PDSS2: variants seen among roughly 807,000 people sequenced by gnomAD.
The protein encoded by PDSS2 is decaprenyl diphosphate synthase subunit 2.
PDSS2 carries 31 observed loss-of-function variants against 44.5 expected under a neutral mutation model. The ratio of observed to expected loss-of-function variants is 0.70; its 90% CI spans 0.52 to 0.94. PDSS2 has a LOEUF of 0.94. PDSS2 is among the 40% of genes least tolerant of loss of function. The pLI is 0.00. For synonymous variants in PDSS2, 157 were observed against 180.3 expected (o/e 0.87, Z 1.03); for missense variants, 452 against 482.2 (o/e 0.94, Z 0.59).
chr6:107,446,938 C>A (rs1781701889), intron 1 of PDSS2, among the ~76,000 whole-genome samples: 1 of 151,970 alleles, frequency 6.6e-6, no homozygotes, highest in Non-Finnish European at 1.5e-5. Flanking sequence ...GATGCCCTTC[C>A]AAAAGTCCCC....
chr6:107,214,340 C>G (rs1773337611), intron 4 of PDSS2, among the ~76,000 whole-genome samples: 1 of 152,096 alleles, frequency 6.6e-6, no homozygotes, highest in Non-Finnish European at 1.5e-5. Context: ...ATCCGCCCGC[C>G]TCGGCCTCCC....
chr6:107,353,165 G>GA (rs942115160), intron 1 of PDSS2, among the ~76,000 whole-genome samples: 35 of 149,390 alleles, frequency 2.3e-4, no homozygotes, highest in African/African-American at 5.6e-4. Context: ...TTAAGACACT[G>GA]AAAAAAAAAG....
intron 1 of PDSS2, among the ~76,000 whole-genome samples, chr6:107,436,400 A>T (rs1781350397): frequency 6.6e-6 from 1 of 152,210 alleles, no homozygotes; most frequent in South Asian, 2.1e-4. Flanking sequence ...TAACCAATGT[A>T]TCCTCATTCA....
intron 1 of PDSS2, among the ~76,000 whole-genome samples, chr6:107,359,237 C>A (rs1405083681): frequency 6.6e-6 from 1 of 151,250 alleles, no homozygotes; most frequent in Non-Finnish European, 1.5e-5. Flanking sequence ...GTCTCAAACT[C>A]CTGACCTCAG....
At chr6:107,300,077 C>T (rs1449724423) in intron 2 of PDSS2, among the ~76,000 whole-genome samples, 1 of 152,144 alleles carries the variant, frequency 6.6e-6, no homozygotes, top group African/African-American at 2.4e-5. Context: ...GCCCAAAACC[C>T]TACTAACTGT....
intron 1 of PDSS2, among the ~76,000 whole-genome samples, chr6:107,443,639 T>G (rs1781576060): frequency 6.6e-6 from 1 of 152,210 alleles, no homozygotes; most frequent in East Asian, 1.9e-4. Context: ...CTATTTCTTT[T>G]GCCTCATCCC....
At chr6:107,369,955 G>A (rs1394286936) in intron 1 of PDSS2, among the ~76,000 whole-genome samples, 1 of 151,678 alleles carries the variant, frequency 6.6e-6, no homozygotes, top group Non-Finnish European at 1.5e-5. Flanking sequence ...AGTTTCTTTT[G>A]TATCTCACTC....
chr6:107,227,151 T>C lies in PDSS2; in HGVS notation c.703-14869A>G, dbSNP rs145932101. Reference sequence around the variant, plus strand: ...CCCGCCACCACATCTGGCTAATGTTTTAAATATTTTTGGTAGAGACAGGGT... The same window carrying C: ...CCCGCCACCACATCTGGCTAATGTTCTAAATATTTTTGGTAGAGACAGGGT... On this transcript the variant is annotated intron_variant, in intron 4 of 7. Transcript: ENST00000369037. Among the ~76,000 whole-genome samples, 434 of 151,938 alleles carry C rather than the reference T, an allele frequency of 2.9e-3. 2 individuals are homozygous for C. The highest frequency in any genetic ancestry group is 9.5e-3 in the African/African-American group (395 of 41,414).
At chr6:107,352,621 G>C (rs1778466508) in intron 1 of PDSS2, among the ~76,000 whole-genome samples, 1 of 152,156 alleles carries the variant, frequency 6.6e-6, no homozygotes, top group Non-Finnish European at 1.5e-5. Flanking sequence ...GACAGCATGT[G>C]AACAGCAAGA....
chr6:107,176,992 C>A (rs1364457437), intron 7 of PDSS2, among the ~76,000 whole-genome samples: 5 of 151,280 alleles, frequency 3.3e-5, no homozygotes, highest in African/African-American at 1.2e-4. Context: ...CAAAAAAAAA[C>A]CAAAAAAACC....
intron 1 of PDSS2, among the ~76,000 whole-genome samples, chr6:107,428,766 G>A (rs57560396): frequency 0.069 from 10,526 of 152,204 alleles, 433 homozygotes; most frequent in Non-Finnish European, 0.092. Flanking sequence ...GAGCTGAGGA[G>A]TCTGAGGCTG....
intron 1 of PDSS2, among the ~76,000 whole-genome samples, chr6:107,349,985 T>C (rs1778382456): frequency 6.6e-6 from 1 of 152,248 alleles, no homozygotes; most frequent in Non-Finnish European, 1.5e-5. Context: ...TTCTTAACTA[T>C]TCCCTGACTT....
chr6:107,161,825 T>C (rs1253923156), intron 7 of PDSS2, among the ~76,000 whole-genome samples: 1 of 152,230 alleles, frequency 6.6e-6, no homozygotes, highest in Non-Finnish European at 1.5e-5. Flanking sequence ...GATTCAACAA[T>C]CGCAACAATT....
rs1781876177 is a variant in PDSS2 at position 107,451,822 on chromosome 6, T to C, written c.296+7168A>G. On this transcript the variant is annotated intron_variant, in intron 1 of 7. Coordinates refer to ENST00000369037, the MANE Select transcript of PDSS2 (RefSeq NM_020381.4). ...GGCCCTCTGGACACACCTTATGAAC[T>C]CTTAACTTGTCTTTTCTCATTCCTT... Among the ~76,000 whole-genome samples, 4 of 152,266 alleles carry C rather than the reference T, an allele frequency of 2.6e-5. No individual in the cohort carries two copies. In the South Asian group the frequency reaches 8.3e-4, roughly 32 times the overall value.
At chr6:107,233,233 A>G (rs1179519764) in intron 4 of PDSS2, among the ~76,000 whole-genome samples, 2 of 152,104 alleles carry the variant, frequency 1.3e-5, no homozygotes, top group African/African-American at 4.8e-5. Context: ...ACTTTCTCCT[A>G]CATATATAGT....
intron 2 of PDSS2, among the ~76,000 whole-genome samples, chr6:107,294,466 T>TAAACTGCTGGCCTC (rs970071390): frequency 6.6e-6 from 1 of 152,026 alleles, no homozygotes; most frequent in Non-Finnish European, 1.5e-5. Flanking sequence ...AGGCTGGTCT[T>TAAACTGCTGGCCTC]AAACTGCTGG....
chr6:107,230,901 A>G (rs913905887), intron 4 of PDSS2, among the ~76,000 whole-genome samples: 1 of 152,168 alleles, frequency 6.6e-6, no homozygotes, highest in Non-Finnish European at 1.5e-5. Context: ...ATTTTCTCAC[A>G]ATTTCTGTAG....
At chr6:107,225,347 A>T (rs1773785235) in intron 4 of PDSS2, among the ~76,000 whole-genome samples, 2 of 150,266 alleles carry the variant, frequency 1.3e-5, no homozygotes, top group South Asian at 4.2e-4. Flanking sequence ...TAATTTTTGT[A>T]TCACTGTATT....
rs773274023 is a variant in PDSS2 at position 107,459,259 on chromosome 6, G to A, written c.27C>T (p.His9=). The A allele has an allele frequency of 6.2e-7, 1 of 1,614,146 alleles. No individual in the cohort carries two copies. Among genetic ancestry groups the A allele is most frequent in the Middle Eastern group, 1.7e-4 (1 of 6,058 alleles). The change falls in exon 1 of 8, where the codon CAC becomes CAT. Residue 9 remains histidine (H), a synonymous_variant. Coordinates refer to ENST00000369037, the MANE Select transcript of PDSS2 (RefSeq NM_020381.4). The surrounding 1 kb of genome is among the most constrained non-coding windows in gnomAD (Gnocchi z 4.3). MNFRQLLL[H]LPRYLGASGS... ...CCGAGGCTCCAAGATAACGTGGCAA[G>A]TGCAACAGCAGCTGCCGAAAGTTCA...
Sources: allele counts gnomAD v4.1 joint callset (sites outside exome capture counted in the v4.1 genomes callset), GRCh38; gene constraint gnomAD v4.1.1; non-coding constraint Gnocchi (gnomAD v3.1); transcripts MANE v1.5; gene names NCBI Gene and HGNC (gene_info 2026-07-23, HGNC 2026-07-21).